The following BOD1L1 variants were observed in gnomAD, a reference collection of about 807,000 sequenced individuals.
BOD1L1 encodes the protein biorientation of chromosomes in cell division 1 like 1.
Under a neutral mutation model 240.7 loss-of-function variants are expected in BOD1L1, and 86 were observed. The observed-to-expected ratio is 0.36, with a 90% CI of 0.30 to 0.43. The LOEUF is 0.43. BOD1L1 is among the 20% of genes least tolerant of loss of function. The pLI is 1.00. For missense variants in BOD1L1, 3,554 were observed against 3,643.5 expected, an observed-to-expected ratio of 0.98 and a Z score of 0.63; for synonymous variants, 1,268 against 1,272.3, an observed-to-expected ratio of 1.00 and a Z score of 0.07.
intron 1 of BOD1L1, chr4:13,625,694 C>G (rs776632135): frequency 2.0e-4 from 31 of 152,106 alleles, no homozygotes; most frequent in Admixed American, 2.0e-3. Context: ...CATGTCTAAC[C>G]TTTTCCCATT....
intron 10 of BOD1L1, among the ~76,000 whole-genome samples, chr4:13,597,392 G>A (rs2108931175): frequency 6.6e-6 from 1 of 152,298 alleles, no homozygotes; most frequent in Admixed American, 6.5e-5. Flanking sequence ...ATTCTTATTT[G>A]CACAGTAAGA....
Position 13,599,673 on chromosome 4 carries a change from G to T in BOD1L1, c.7227C>A (p.Asn2409Lys). Residue 2409 changes from asparagine to lysine, a missense_variant, in exon 10 of 26, where the codon AAC (asparagine) becomes AAA (lysine). Around this residue, in one of 2 missense-constraint regions of BOD1L1, gnomAD observed 3,393 missense variants for 3,427.1 expected, o/e 0.99. Transcript: ENST00000040738. ...CAGAGGGCTTGTGGACTGATGGCCCGTTGTGCCCCTCCTCGGTGCTCACTG... is the reference window on the plus strand; with the variant it reads ...CAGAGGGCTTGTGGACTGATGGCCCTTTGTGCCCCTCCTCGGTGCTCACTG... ...VLAVSTEEGH[N>K]GPSVHKPSAG... The T allele has an allele frequency of 6.2e-7, 1 of 1,613,898 alleles. No homozygotes were observed.
intron 25 of BOD1L1, 21 bp from the exon 26 acceptor site, chr4:13,570,149 G>A: frequency 6.7e-7 from 1 of 1,501,746 alleles, no homozygotes; most frequent in East Asian, 2.5e-5. Flanking sequence ...CAAAGTCAAG[G>A]CAATGGTGAG....
intron 15 of BOD1L1, 54 bp from the exon 16 acceptor site, chr4:13,587,825 T>C: frequency 1.7e-6 from 2 of 1,206,352 alleles, no homozygotes; most frequent in Middle Eastern, 1.9e-4. Context: ...TCAAATAAAC[T>C]GAAAGAGGAG....
intron 8 of BOD1L1, 26 bp downstream of exon 8, chr4:13,608,504 G>T: frequency 6.7e-7 from 1 of 1,487,748 alleles, no homozygotes; most frequent in South Asian, 1.4e-5. Context: ...TGTTATAAGG[G>T]AAACATGACC....
At chr4:13,615,541 A>G (rs778942514) in intron 2 of BOD1L1, 39 bp from the exon 3 acceptor site, 1 of 1,534,054 alleles carries the variant, frequency 6.5e-7, no homozygotes, top group South Asian at 1.2e-5. Flanking sequence ...TGAAAAAATA[A>G]TATATTATTT....
chr4:13,605,868 T>TTCAAAAAAACATA (rs1435642615), intron 9 of BOD1L1, among the ~76,000 whole-genome samples: 1 of 152,120 alleles, frequency 6.6e-6, no homozygotes, highest in Non-Finnish European at 1.5e-5. Context: ...TGTTTATGTA[T>TTCAAAAAAACATA]TCAAAAAAAG....
chr4:13,607,088 A>G, intron 9 of BOD1L1, 29 bp downstream of exon 9: 1 of 1,428,208 alleles, frequency 7.0e-7, no homozygotes, highest in Non-Finnish European at 9.5e-7. Flanking sequence ...ACAAAACAGC[A>G]TTTGAAATGA....
Position 13,600,175 on chromosome 4 carries a change from C to A in BOD1L1, c.6725G>T (p.Arg2242Leu). Residue 2242 changes from arginine to leucine, a missense_variant, in exon 10 of 26, where the codon CGA (arginine) becomes CTA (leucine). By Grantham distance (102) the Arg-to-Leu change is moderately radical. Coordinates refer to ENST00000040738, the MANE Select transcript of BOD1L1 (RefSeq NM_148894.3). Reference sequence around the variant, plus strand: ...TTTTTCTTCCATGACTGTGCCAGCTCGCTCATTTTCACTTTCAACAACTAC... The same window carrying A: ...TTTTTCTTCCATGACTGTGCCAGCTAGCTCATTTTCACTTTCAACAACTAC... ...SGVVVESENE[R>L]AGTVMEEKDG... The A allele has an allele frequency of 6.2e-7, 1 of 1,613,972 alleles. No individual in the cohort carries two copies. Among genetic ancestry groups the A allele is most frequent in the South Asian group, 1.1e-5 (1 of 91,074 alleles).
intron 1 of BOD1L1, among the ~76,000 whole-genome samples, chr4:13,622,871 T>C (rs570015314): frequency 6.6e-6 from 1 of 152,364 alleles, no homozygotes; most frequent in South Asian, 2.1e-4. Context: ...CAATGGCTTC[T>C]GAGCTCGAGT....
At chr4:13,615,631 T>A in intron 2 of BOD1L1, 129 bp from the exon 3 acceptor site, 1 of 858,816 alleles carries the variant, frequency 1.2e-6, no homozygotes, top group African/African-American at 1.7e-5. Context: ...TCCCAATCCA[T>A]TTACTTGGAT....
At chr4:13,580,061 T>A (rs1186192261) in intron 21 of BOD1L1, 88 bp from the exon 22 acceptor site, 28 of 946,650 alleles carry the variant, frequency 3.0e-5, no homozygotes, top group Non-Finnish European at 4.2e-5. Flanking sequence ...GTAAAGGTGG[T>A]ATAGGATCTT....
chr4:13,602,863 C>T lies in BOD1L1; in HGVS notation c.4037G>A (p.Gly1346Asp). The change falls in exon 10 of 26, where the codon GGT becomes GAT. Residue 1346 changes from glycine (G) to aspartate (D), a missense_variant. Coordinates refer to ENST00000040738, the MANE Select transcript of BOD1L1 (RefSeq NM_148894.3). ...EVLKTSDSKE[G>D]GEGFTVDTPA... ...TGTATCTACTGTGAAACCTTCACCA[C>T]CTTCTTTGCTGTCACTTGTCTTAAG... is the stretch of plus-strand genomic sequence containing the variant. 6.2e-7 allele frequency: 1 copy of T among 1,614,020 alleles called. No individual in the cohort carries two copies. The highest frequency in any genetic ancestry group is 8.5e-7 in the Non-Finnish European group (1 of 1,179,884).
chr4:13,626,729 AT>A (rs1353898714), intron 1 of BOD1L1, among the ~76,000 whole-genome samples: 1 of 151,964 alleles, frequency 6.6e-6, no homozygotes, highest in Non-Finnish European at 1.5e-5. Context: ...CCTCTCCTGC[AT>A]CTTTTCTCCA....
At chr4:13,610,679 T>C (rs1256633013) in intron 6 of BOD1L1, among the ~76,000 whole-genome samples, 1 of 152,244 alleles carries the variant, frequency 6.6e-6, no homozygotes, top group Non-Finnish European at 1.5e-5. Context: ...TATTCCAAAT[T>C]GTGAAAAATT....
intron 10 of BOD1L1, 63 bp downstream of exon 10, chr4:13,598,883 T>C: frequency 1.4e-6 from 2 of 1,475,136 alleles, no homozygotes; most frequent in Non-Finnish European, 1.8e-6. Context: ...CTGTCCTAAA[T>C]GCACTCTGTT....
chr4:13,584,396 G>A (rs1713486703), intron 17 of BOD1L1, among the ~76,000 whole-genome samples: 1 of 151,354 alleles, frequency 6.6e-6, no homozygotes, highest in African/African-American at 2.4e-5. Flanking sequence ...GAGATGGAGA[G>A]AGTCAGCATG....
At chr4:13,605,602 C>T (rs1355013141) in intron 9 of BOD1L1, among the ~76,000 whole-genome samples, 1 of 152,116 alleles carries the variant, frequency 6.6e-6, no homozygotes, top group Non-Finnish European at 1.5e-5. Context: ...CTAGAACTCA[C>T]TAATGCCCAG....
chr4:13,571,884 C>G (rs1712233492), intron 25 of BOD1L1, among the ~76,000 whole-genome samples: 1 of 152,186 alleles, frequency 6.6e-6, no homozygotes, highest in Non-Finnish European at 1.5e-5. Context: ...GTATGTGAAA[C>G]TGCCTGGCAC....
Sources: gnomAD v4.1 joint callset for allele counts (sites outside exome capture counted in the v4.1 genomes callset) on GRCh38, gnomAD v4.1.1 for gene constraint, gnomAD v4.1.1 regional missense constraint, MANE v1.5 for transcripts, NCBI Gene and HGNC (gene_info 2026-07-23, HGNC 2026-07-21) for gene names.